The following STS variants were observed in gnomAD, a reference collection of about 807,000 sequenced individuals.
STS encodes steroid sulfatase, also known as steryl-sulfatase.
Under a neutral mutation model 26.8 loss-of-function variants are expected in STS, and 7 were observed. That is an observed-to-expected ratio of 0.26 (90% CI 0.15 to 0.49). The LOEUF (loss-of-function observed/expected upper bound fraction) is 0.49. Among genes scored for constraint, STS ranks in the 20% least tolerant of loss-of-function variants. The probability of loss-of-function intolerance (pLI) is 0.98; values close to 1 mark genes in which losing one functional copy is unlikely to be tolerated. For missense variants in STS, 434 were observed against 465.6 expected, an observed-to-expected ratio of 0.93 and a Z score of 0.63; for synonymous variants, 199 against 189.4, an observed-to-expected ratio of 1.05 and a Z score of -0.42.
chrX:7,261,607 A>G (rs1473359212), intron 6 of STS, among the ~76,000 whole-genome samples: 1 of 111,046 alleles, frequency 9.0e-6, no homozygotes, highest in Admixed American at 9.6e-5. Flanking sequence ...GCTTTACTGG[A>G]GGTTGGGAAT....
intron 8 of STS, among the ~76,000 whole-genome samples, chrX:7,318,640 C>T (rs1168754525): frequency 9.0e-6 from 1 of 111,311 alleles, no homozygotes; most frequent in Non-Finnish European, 1.9e-5. Context: ...ATGGGAATCT[C>T]GTGATGTTCC....
chrX:7,275,278 T>C (rs1924473736), intron 6 of STS, among the ~76,000 whole-genome samples: 2 of 111,713 alleles, frequency 1.8e-5, no homozygotes, highest in Non-Finnish European at 3.8e-5. Context: ...TCAAAATTGC[T>C]GAGAGAGTAG....
rs773223869 is a variant in STS, at chrX:7,260,809, G to T, written c.806+1037G>T. Reference sequence around the variant, plus strand: ...CCTTGTGATATAAACAATGTGGAAAGATCCAAAATATTTTGGATTAATCTC... The same window carrying T: ...CCTTGTGATATAAACAATGTGGAAATATCCAAAATATTTTGGATTAATCTC... On this transcript the variant is annotated intron_variant, in intron 6 of 10. Transcript: ENST00000674429. 4.5e-5 allele frequency among the ~76,000 whole-genome samples: 5 copies of T among 111,840 alleles called. No homozygotes were observed. In the East Asian group the frequency reaches 8.4e-4, roughly 19 times the overall value.
chrX:7,247,109 C>G (rs1401646033), intron 2 of STS, among the ~76,000 whole-genome samples: 1 of 112,033 alleles, frequency 8.9e-6, no homozygotes, highest in East Asian at 2.8e-4. Context: ...GTGAATGTGA[C>G]CATCGAACAC....
At chrX:7,251,794 A>T (rs1275278724) in intron 2 of STS, among the ~76,000 whole-genome samples, 1 of 110,386 alleles carries the variant, frequency 9.1e-6, no homozygotes, top group Non-Finnish European at 1.9e-5. Flanking sequence ...TTGTCTCTAA[A>T]AAATAAAAAT....
intron 2 of STS, among the ~76,000 whole-genome samples, chrX:7,211,817 TC>T (rs1444297893): frequency 3.6e-5 from 4 of 111,775 alleles, no homozygotes; most frequent in African/African-American, 1.3e-4. Context: ...TGCCTATCTT[TC>T]TTTATTTTTT....
chrX:7,200,523 T>C (rs1934050661), intron 2 of STS, among the ~76,000 whole-genome samples: 1 of 111,542 alleles, frequency 9.0e-6, no homozygotes, highest in Non-Finnish European at 1.9e-5. Context: ...TAAAATGAGC[T>C]CTCTTGCTGT....
intron 9 of STS, among the ~76,000 whole-genome samples, chrX:7,327,285 G>C (rs1364074150): frequency 9.0e-6 from 1 of 110,984 alleles, no homozygotes; most frequent in Admixed American, 9.6e-5. Flanking sequence ...GTCCCAGAGA[G>C]TCTCTGGATC....
Position 7,239,513 on chromosome X carries a change from A to G in STS, c.-4-13683A>G, listed in dbSNP as rs183962377. ...TTTTCTTCTAATGAACAAATTTAAT[A>G]TAATTACATCTCTAGTTATAAAAAT... On this transcript the variant is annotated intron_variant, in intron 2 of 10. Coordinates refer to ENST00000674429, the MANE Select transcript of STS (RefSeq NM_001320752.2). Among the ~76,000 whole-genome samples the G allele has an allele frequency of 8.0e-5, 9 of 112,374 alleles. No individual in the cohort carries two copies. The Admixed American group carries it at 8.5e-4, about 11-fold the overall frequency.
At chrX:7,264,017 G>A (rs750239916) in intron 6 of STS, among the ~76,000 whole-genome samples, 5 of 111,959 alleles carry the variant, frequency 4.5e-5, no homozygotes, top group Non-Finnish European at 9.4e-5. Context: ...ACTATTTATA[G>A]ATCTATCAGA....
At chrX:7,162,926 G>A (rs977680758) in intron 1 of STS, among the ~76,000 whole-genome samples, 2 of 103,561 alleles carry the variant, frequency 1.9e-5, no homozygotes, top group Admixed American at 1.1e-4. Context: ...GCCTGGTGGC[G>A]CGCGCCTGTA....
chrX:7,195,792 G>A (rs1736389629), intron 2 of STS, among the ~76,000 whole-genome samples: 1 of 112,181 alleles, frequency 8.9e-6, no homozygotes, highest in Non-Finnish European at 1.9e-5. Flanking sequence ...ACTTCTGTAA[G>A]AACAGCACTG....
rs781762467 is a variant in STS at position 7,219,508 on chromosome X, G to T, written c.-5+28500G>T. 2.0e-5 allele frequency: 23 copies of T among 1,154,993 alleles called. No individual in the cohort carries two copies. The South Asian group carries it at 4.0e-4, about 20-fold the overall frequency. Reference sequence around the variant, plus strand: ...GCTGACGGGACCCAGCTGTAGTGAGGTTGCAGTGATTGAGTAGGATTGGCC... The same window carrying T: ...GCTGACGGGACCCAGCTGTAGTGAGTTTGCAGTGATTGAGTAGGATTGGCC... On this transcript the variant is annotated intron_variant, in intron 2 of 10. Transcript: ENST00000674429.
chrX:7,227,448 GTTT>G (rs34307828), intron 2 of STS, among the ~76,000 whole-genome samples: 3 of 91,972 alleles, frequency 3.3e-5, no homozygotes, highest in African/African-American at 1.2e-4. Context: ...TCAAATCGTT[GTTT>G]TTTTTTTTTT....
At chrX:7,298,523 T>C (rs1222857034) in intron 7 of STS, among the ~76,000 whole-genome samples, 4 of 111,466 alleles carry the variant, frequency 3.6e-5, no homozygotes, top group Non-Finnish European at 7.5e-5. Flanking sequence ...CCCTGATGTA[T>C]GGGACATTGG....
intron 2 of STS, among the ~76,000 whole-genome samples, chrX:7,242,536 G>T (rs1398691486): frequency 9.2e-6 from 1 of 109,276 alleles, no homozygotes; most frequent in Non-Finnish European, 1.9e-5. Flanking sequence ...GGAGGTTGAG[G>T]CTGCAGTGAG....
chrX:7,258,127 T>TAGAC (rs1182483852), intron 5 of STS, among the ~76,000 whole-genome samples: 13 of 104,992 alleles, frequency 1.2e-4, no homozygotes, highest in African/African-American at 4.2e-4. Context: ...GATAGATAGA[T>TAGAC]AGATAGATAG....
In STS at chrX:7,327,388, C is replaced by CT. The variant is rs1241631906; in HGVS notation, c.1241+1902dup. On this transcript the variant is annotated intron_variant, in intron 9 of 10. Coordinates refer to ENST00000674429, the MANE Select transcript of STS (RefSeq NM_001320752.2). ...TTGAATTCATATTCTTTTTTTTTTTCTTTTTTTTTTTTGAGATGGGGGTTT... is the reference window on the plus strand; with the variant it reads ...TTGAATTCATATTCTTTTTTTTTTTCTTTTTTTTTTTTTGAGATGGGGGTTT... Among the ~76,000 whole-genome samples the CT allele has an allele frequency of 1.1e-3, 96 of 91,319 alleles. No homozygotes were observed. The Middle Eastern group carries it at 0.016, about 15-fold the overall frequency. 79.3% of individuals were successfully genotyped at this position (91,319 alleles called of 115,157 possible). A position where few individuals can be genotyped will look rare whatever the true frequency, so the allele number is the denominator to read the frequency against.
chrX:7,219,588 C>T (rs1921458733), intron 2 of STS: 2 of 1,208,355 alleles, frequency 1.7e-6, no homozygotes, highest in Non-Finnish European at 2.2e-6. Context: ...CCCACTGGTG[C>T]AGAAACCATG....
Sources: allele counts gnomAD v4.1 joint callset (sites outside exome capture counted in the v4.1 genomes callset), GRCh38; gene constraint gnomAD v4.1.1; transcripts MANE v1.5; gene names NCBI Gene and HGNC (gene_info 2026-07-23, HGNC 2026-07-21).